Variants in PURA observed in about 807,000 individuals in gnomAD.
The protein encoded by PURA is purine rich element binding protein A.
Under a neutral mutation model 23.1 loss-of-function variants are expected in PURA, and 2 were observed. The observed-to-expected ratio is 0.09, with a 90% CI of 0.04 to 0.27. PURA has a LOEUF of 0.27. PURA is among the 10% of genes least tolerant of loss of function. The pLI is 1.00. For synonymous variants in PURA, 254 were observed against 205.9 expected (o/e 1.23, Z -2.00); for missense variants, 187 against 449.7 (o/e 0.42, Z 5.28).
Position 140,114,586 on chromosome 5 carries a change from G to T in PURA, c.405G>T (p.Ala135=), listed in dbSNP as rs1763046271. 1.9e-6 allele frequency: 3 copies of T among 1,602,230 alleles called. No individual in the cohort carries two copies. Among genetic ancestry groups the T allele is most frequent in the African/African-American group, 2.7e-5 (2 of 74,814 alleles). Residue 135 remains alanine (A), a synonymous_variant, in exon 1 of 1, where the codon GCG becomes GCT. Coordinates refer to ENST00000331327, the MANE Select transcript of PURA (RefSeq NM_005859.5). ...GCCAGCCGCCGGACCTGGCCCAGGC[G>T]CAGGACGAGCCGCGCCGGGCGCTCA... ...GPSQPPDLAQ[A]QDEPRRALKS...
chr5:140,119,574 A>G lies in PURA; in HGVS notation c.*4424A>G, dbSNP rs1450633082. On this transcript the variant is annotated 3_prime_UTR_variant, in exon 1 of 1. Coordinates refer to ENST00000331327, the MANE Select transcript of PURA (RefSeq NM_005859.5). Reference sequence around the variant, plus strand: ...TATCATGGCCCAAGCACTTTATATCATTTTTTAAGTCAGTTAAGATTTGAT... The same window carrying G: ...TATCATGGCCCAAGCACTTTATATCGTTTTTTAAGTCAGTTAAGATTTGAT... 4 of 166,766 alleles carry G rather than the reference A, an allele frequency of 2.4e-5. No individual in the cohort carries two copies. The highest frequency in any genetic ancestry group is 9.7e-5 in the African/African-American group (4 of 41,420). The allele number at this position is 166,766 out of a possible 1,614,324, so 10.3% of individuals were successfully genotyped here. A position where few individuals can be genotyped will look rare whatever the true frequency, so the allele number is the denominator to read the frequency against.
Position 140,116,468 on chromosome 5 carries a change from A to G in PURA, c.*1318A>G. On this transcript the variant is annotated 3_prime_UTR_variant, in exon 1 of 1. Coordinates refer to ENST00000331327, the MANE Select transcript of PURA (RefSeq NM_005859.5). ...GTTATTACTGGCTACATTATATGCT[A>G]AGTGTATTTGTGTTCCCCAAGTGTA... is the stretch of plus-strand genomic sequence containing the variant. The G allele has an allele frequency of 6.0e-6, 1 of 167,184 alleles. No individual in the cohort carries two copies. 10.4% of individuals were successfully genotyped at this position (167,184 alleles called of 1,614,324 possible).
In PURA at chr5:140,122,240, A is replaced by T. The variant is rs1053328288; in HGVS notation, c.*7090A>T. 6.0e-6 allele frequency: 1 copy of T among 166,820 alleles called. No homozygotes were observed. The highest frequency in any genetic ancestry group is 2.4e-5 in the African/African-American group (1 of 41,414). 10.3% of individuals were successfully genotyped at this position (166,820 alleles called of 1,614,324 possible). ...GGAGTTATTATTTTGAGGAAAAGAA[A>T]ATTTCAAGCTTTTCACCATTATTCT... On this transcript the variant is annotated 3_prime_UTR_variant, in exon 1 of 1. Coordinates refer to ENST00000331327, the MANE Select transcript of PURA (RefSeq NM_005859.5).
chr5:140,115,227 G>A lies in PURA; in HGVS notation c.*77G>A. 2.7e-6 allele frequency: 2 copies of A among 739,550 alleles called. No individual in the cohort carries two copies. The highest frequency in any genetic ancestry group is 7.9e-5 in the South Asian group (2 of 25,164). 45.8% of individuals were successfully genotyped at this position (739,550 alleles called of 1,614,324 possible). On this transcript the variant is annotated 3_prime_UTR_variant, in exon 1 of 1. Coordinates refer to ENST00000331327, the MANE Select transcript of PURA (RefSeq NM_005859.5). This position sits in a 1 kb window ranked among gnomAD's most constrained non-coding sequence, Gnocchi z 4.1. Reference sequence around the variant, plus strand: ...CAGCCACACACACAGAAAATATACTGTAAAGAAAGAGAGAAAATAAAAAGT... The same window carrying A: ...CAGCCACACACACAGAAAATATACTATAAAGAAAGAGAGAAAATAAAAAGT...
In PURA at chr5:140,115,435, A is replaced by G; in HGVS notation, c.*285A>G. On this transcript the variant is annotated 3_prime_UTR_variant, in exon 1 of 1. Transcript: ENST00000331327. The surrounding 1 kb of genome is among the most constrained non-coding windows in gnomAD (Gnocchi z 4.1). Reference sequence around the variant, plus strand: ...AAAAAATACAAAAAGTAATAACATTATATGAACTGTGTTTCCTACTTGATT... The same window carrying G: ...AAAAAATACAAAAAGTAATAACATTGTATGAACTGTGTTTCCTACTTGATT... 2 of 239,878 alleles carry G rather than the reference A, an allele frequency of 8.3e-6. No homozygotes were observed. The highest frequency in any genetic ancestry group is 1.7e-5 in the Non-Finnish European group (2 of 116,420). 14.9% of individuals were successfully genotyped at this position (239,878 alleles called of 1,614,324 possible). A position where few individuals can be genotyped will look rare whatever the true frequency, so the allele number is the denominator to read the frequency against.
chr5:140,118,132 G>A lies in PURA; in HGVS notation c.*2982G>A, dbSNP rs1763110376. ...AAGGAAATGGTATATTTGACCATAT[G>A]TGTTATTCATAGAAGACAGTATGAT... is the stretch of plus-strand genomic sequence containing the variant. On this transcript the variant is annotated 3_prime_UTR_variant, in exon 1 of 1. Coordinates refer to ENST00000331327, the MANE Select transcript of PURA (RefSeq NM_005859.5). 6.0e-6 allele frequency: 1 copy of A among 166,824 alleles called. No homozygotes were observed. Among genetic ancestry groups the A allele is most frequent in the African/African-American group, 2.4e-5 (1 of 41,452 alleles). 10.3% of individuals were successfully genotyped at this position (166,824 alleles called of 1,614,324 possible).
rs1010802824 is a variant in PURA at position 140,115,732 on chromosome 5, A to G, written c.*582A>G. 2 of 167,082 alleles carry G rather than the reference A, an allele frequency of 1.2e-5. No individual in the cohort carries two copies. The highest frequency in any genetic ancestry group is 4.8e-5 in the African/African-American group (2 of 41,458). 10.3% of individuals were successfully genotyped at this position (167,082 alleles called of 1,614,324 possible). ...GTTATTATAGTATATTTGACACCCT[A>G]TATACCTGTGATTAGAGATGTGTAT... On this transcript the variant is annotated 3_prime_UTR_variant, in exon 1 of 1. Coordinates refer to ENST00000331327, the MANE Select transcript of PURA (RefSeq NM_005859.5). The surrounding 1 kb of genome is among the most constrained non-coding windows in gnomAD (Gnocchi z 4.1).
Position 140,117,437 on chromosome 5 carries a change from C to T in PURA, c.*2287C>T, listed in dbSNP as rs986734760. 7.8e-5 allele frequency: 13 copies of T among 166,896 alleles called. No homozygotes were observed. The highest frequency in any genetic ancestry group is 1.6e-4 in the Non-Finnish European group (11 of 68,094). 10.3% of individuals were successfully genotyped at this position (166,896 alleles called of 1,614,324 possible). ...ACTGTGATATGGAAAAGACTGCATT[C>T]TCTGTGCTGTTACTAATTAGGAAAG... On this transcript the variant is annotated 3_prime_UTR_variant, in exon 1 of 1. Transcript: ENST00000331327.
Position 140,120,009 on chromosome 5 carries a change from A to G in PURA, c.*4859A>G, listed in dbSNP as rs761225677. 1 of 166,832 alleles carries G rather than the reference A, an allele frequency of 6.0e-6. No homozygotes were observed. The highest frequency in any genetic ancestry group is 6.6e-5 in the Admixed American group (1 of 15,262). 10.3% of individuals were successfully genotyped at this position (166,832 alleles called of 1,614,324 possible). A position where few individuals can be genotyped will look rare whatever the true frequency, so the allele number is the denominator to read the frequency against. ...TTTTCTTCACCATAAAAAGTGAGAT[A>G]CCAAGTCTAATGACTTTTTTCCCTT... On this transcript the variant is annotated 3_prime_UTR_variant, in exon 1 of 1. Transcript: ENST00000331327.
rs1442766086 is a variant in PURA at position 140,123,144 on chromosome 5, C to T, written c.*7994C>T. The stretch of plus-strand genomic sequence containing the variant: ...AAATTATAATAGTTATATACTATAA[C>T]TCATTTAAGTCAATGCAAAGCCTTC... On this transcript the variant is annotated 3_prime_UTR_variant, in exon 1 of 1. Coordinates refer to ENST00000331327, the MANE Select transcript of PURA (RefSeq NM_005859.5). 1 of 166,852 alleles carries T rather than the reference C, an allele frequency of 6.0e-6. No homozygotes were observed. The highest frequency in any genetic ancestry group is 1.5e-5 in the Non-Finnish European group (1 of 68,018). 10.3% of individuals were successfully genotyped at this position (166,852 alleles called of 1,614,324 possible).
chr5:140,120,460 T>A lies in PURA; in HGVS notation c.*5310T>A, dbSNP rs1040101159. 1.2e-5 allele frequency: 2 copies of A among 166,792 alleles called. No individual in the cohort carries two copies. Among genetic ancestry groups the A allele is most frequent in the African/African-American group, 4.8e-5 (2 of 41,448 alleles). 10.3% of individuals were successfully genotyped at this position (166,792 alleles called of 1,614,324 possible). The stretch of plus-strand genomic sequence containing the variant: ...TAAGTATGCTATAAAACTAAAGTGA[T>A]CACTGCTATTCACGAATTATTATAG... On this transcript the variant is annotated 3_prime_UTR_variant, in exon 1 of 1. Coordinates refer to ENST00000331327, the MANE Select transcript of PURA (RefSeq NM_005859.5).
rs960183691 is a variant in PURA, at chr5:140,120,778, A to G, written c.*5628A>G. 15 of 166,882 alleles carry G rather than the reference A, an allele frequency of 9.0e-5. No individual in the cohort carries two copies. Among genetic ancestry groups the G allele is most frequent in the Non-Finnish European group, 4.4e-5 (3 of 67,984 alleles). The allele number at this position is 166,882 out of a possible 1,614,324, so 10.3% of individuals were successfully genotyped here. On this transcript the variant is annotated 3_prime_UTR_variant, in exon 1 of 1. Coordinates refer to ENST00000331327, the MANE Select transcript of PURA (RefSeq NM_005859.5). ...TGATGTTGAATGGTCCAGGCAATTT[A>G]TGTCTTTAGGAAAGCTGAGTGTGGC...
rs1763184210 is a variant in PURA, at chr5:140,124,424, TTA to T, written c.*9276_*9277del. ...CATGTTTTGCTAGTCATTCTGGATC[TTA>T]TGTTTGCAAATTCTGTTGAACATTC... On this transcript the variant is annotated 3_prime_UTR_variant, in exon 1 of 1. Coordinates refer to ENST00000331327, the MANE Select transcript of PURA (RefSeq NM_005859.5). 1 of 167,050 alleles carries T rather than the reference TTA, an allele frequency of 6.0e-6. No homozygotes were observed. Among genetic ancestry groups the T allele is most frequent in the African/African-American group, 2.4e-5 (1 of 41,446 alleles). 10.3% of individuals were successfully genotyped at this position (167,050 alleles called of 1,614,324 possible). A position where few individuals can be genotyped will look rare whatever the true frequency, so the allele number is the denominator to read the frequency against.
Position 140,119,628 on chromosome 5 carries a change from T to C in PURA, c.*4478T>C, listed in dbSNP as rs1763127883. On this transcript the variant is annotated 3_prime_UTR_variant, in exon 1 of 1. Transcript: ENST00000331327. ...TTTTAAAAGATACTATGTCAACTTTTTTCTTCCTATTTTCTTATGTAACTT... is the reference window on the plus strand; with the variant it reads ...TTTTAAAAGATACTATGTCAACTTTCTTCTTCCTATTTTCTTATGTAACTT... The C allele has an allele frequency of 6.0e-6, 1 of 166,846 alleles. No homozygotes were observed. The highest frequency in any genetic ancestry group is 2.1e-4 in the South Asian group (1 of 4,834). 10.3% of individuals were successfully genotyped at this position (166,846 alleles called of 1,614,324 possible). A position where few individuals can be genotyped will look rare whatever the true frequency, so the allele number is the denominator to read the frequency against.
In PURA at chr5:140,114,937, C is replaced by T; in HGVS notation, c.756C>T (p.Thr252=). 1.2e-6 allele frequency: 2 copies of T among 1,614,224 alleles called. No individual in the cohort carries two copies. The highest frequency in any genetic ancestry group is 1.7e-6 in the Non-Finnish European group (2 of 1,180,048). ...TGCGAGTGAGCGAGGTGAAGCCCAC[C>T]TATCGCAACTCCATCACCGTGCCCT... The part of the protein sequence containing the change: ...VFMRVSEVKP[T]YRNSITVPYK... Residue 252 remains threonine (T), a synonymous_variant, in exon 1 of 1, where the codon ACC becomes ACT. Transcript: ENST00000331327.
In PURA at chr5:140,124,514, A is replaced by G. The variant is rs898070988; in HGVS notation, c.*9364A>G. ...AGTGTGAATGTTTGTGGCCAATTCA[A>G]TTGTGGAATCTTATGGCTTTGTTTT... On this transcript the variant is annotated 3_prime_UTR_variant, in exon 1 of 1. Transcript: ENST00000331327. The G allele has an allele frequency of 2.4e-5, 4 of 167,074 alleles. No individual in the cohort carries two copies. The highest frequency in any genetic ancestry group is 3.8e-4 in the East Asian group (2 of 5,204). 10.3% of individuals were successfully genotyped at this position (167,074 alleles called of 1,614,324 possible).
In PURA at chr5:140,114,142, A is replaced by AGCGGCAGGCGGCGGCGGC. The variant is rs1763033324; in HGVS notation, c.-32_-15dup. On this transcript the variant is annotated 5_prime_UTR_variant, in exon 1 of 1. Coordinates refer to ENST00000331327, the MANE Select transcript of PURA (RefSeq NM_005859.5). ...CTGAGGCGACTGAGGCGGCGGGCGG[A>AGCGGCAGGCGGCGGCGGC]GCGGCAGGCGGCGGCGGCGCGGCAG... The AGCGGCAGGCGGCGGCGGC allele has an allele frequency of 2.1e-6, 1 of 478,608 alleles. No individual in the cohort carries two copies. Among genetic ancestry groups the AGCGGCAGGCGGCGGCGGC allele is most frequent in the Non-Finnish European group, 3.1e-6 (1 of 321,606 alleles). 29.6% of individuals were successfully genotyped at this position (478,608 alleles called of 1,614,324 possible).
chr5:140,118,182 A>C lies in PURA; in HGVS notation c.*3032A>C, dbSNP rs1275403942. 3 of 167,066 alleles carry C rather than the reference A, an allele frequency of 1.8e-5. No homozygotes were observed. The highest frequency in any genetic ancestry group is 4.4e-5 in the Non-Finnish European group (3 of 68,100). The allele number at this position is 167,066 out of a possible 1,614,324, so 10.3% of individuals were successfully genotyped here. ...TCAAATGTGCCAAAAACAAGCAAAC[A>C]AAACTTAATTCCTGAGAAGTATGCC... On this transcript the variant is annotated 3_prime_UTR_variant, in exon 1 of 1. Transcript: ENST00000331327.
At position 140,114,516 on chromosome 5, in the gene PURA, A is replaced by G. The variant is rs1309718113; in HGVS notation, c.335A>G (p.Asp112Gly). The change falls in exon 1 of 1, where the codon GAC becomes GGC. Residue 112 changes from aspartate (D) to glycine (G), a missense_variant. Asp to Gly is a moderately conservative substitution (Grantham distance 94, BLOSUM62 -1). This residue lies in a region of PURA where 24 missense variants were observed against 75.2 expected (regional missense o/e 0.32). Transcript: ENST00000331327. ...LSMSVAVEFRDYLGDFIEHYA... is the reference protein window; with the variant it reads ...LSMSVAVEFRGYLGDFIEHYA... ...ATGTCAGTGGCCGTGGAGTTCCGCGACTACCTGGGCGACTTCATCGAGCAC... is the reference window on the plus strand; with the variant it reads ...ATGTCAGTGGCCGTGGAGTTCCGCGGCTACCTGGGCGACTTCATCGAGCAC... 1 of 1,609,352 alleles carries G rather than the reference A, an allele frequency of 6.2e-7. No homozygotes were observed. Among genetic ancestry groups the G allele is most frequent in the African/African-American group, 1.3e-5 (1 of 74,880 alleles).
Sources: gnomAD v4.1 joint callset for allele counts on GRCh38, gnomAD v4.1.1 for gene constraint, gnomAD v4.1.1 regional missense constraint, Gnocchi (gnomAD v3.1) non-coding constraint, MANE v1.5 for transcripts, NCBI Gene and HGNC (gene_info 2026-07-23, HGNC 2026-07-21) for gene names.